Variants in MSRA observed in about 807,000 individuals in gnomAD.
MSRA encodes the protein methionine sulfoxide reductase A.
In MSRA, 54 loss-of-function variants were observed where a neutral mutation model predicts 31.3. The ratio of observed to expected loss-of-function variants is 1.73; its 90% CI spans 1.39 to 2.17. MSRA has a LOEUF of 2.17. MSRA is among the 30% of genes most tolerant of loss of function. MSRA has a pLI of 0.00. For missense variants in MSRA, 507 were observed against 300.9 expected, an observed-to-expected ratio of 1.69 and a Z score of -5.07; for synonymous variants, 169 against 116.5, an observed-to-expected ratio of 1.45 and a Z score of -2.90.
intron 5 of MSRA, among the ~76,000 whole-genome samples, chr8:10,402,567 A>G (rs1807533235): frequency 6.6e-6 from 1 of 152,218 alleles, no homozygotes; most frequent in Admixed American, 6.5e-5. Flanking sequence ...CTGGGAGCCC[A>G]GGCACTCTAT....
intron 5 of MSRA, among the ~76,000 whole-genome samples, chr8:10,420,630 G>C (rs1459404725): frequency 6.6e-6 from 1 of 152,100 alleles, no homozygotes; most frequent in South Asian, 2.1e-4. Flanking sequence ...AACCCAGCCA[G>C]GTTCAGTGGT....
intron 3 of MSRA, among the ~76,000 whole-genome samples, chr8:10,266,135 G>A (rs895947787): frequency 2.0e-5 from 3 of 152,196 alleles, no homozygotes; most frequent in African/African-American, 7.2e-5. Flanking sequence ...AGGACCTGTG[G>A]TAGGTTTATG....
chr8:10,074,230 C>T (rs1396547707), intron 1 of MSRA, among the ~76,000 whole-genome samples: 1 of 151,432 alleles, frequency 6.6e-6, no homozygotes, highest in Non-Finnish European at 1.5e-5. Context: ...CTACATGCAC[C>T]CGCCACCATG....
chr8:10,195,970 G>C (rs1019452042), intron 1 of MSRA, among the ~76,000 whole-genome samples: 3 of 152,200 alleles, frequency 2.0e-5, no homozygotes, highest in Admixed American at 2.0e-4. Context: ...TGTTGGTCTG[G>C]AACAGATTGG....
At chr8:10,424,578 G>A (rs936105426) in intron 5 of MSRA, among the ~76,000 whole-genome samples, 8 of 151,616 alleles carry the variant, frequency 5.3e-5, no homozygotes, top group Admixed American at 3.9e-4. Context: ...CGGGAGAAGG[G>A]CCTGGGGTGG....
At chr8:10,388,923 A>G in intron 5 of MSRA, among the ~76,000 whole-genome samples, 1 of 151,884 alleles carries the variant, frequency 6.6e-6, no homozygotes, top group Admixed American at 6.6e-5. Flanking sequence ...TCATTACCGA[A>G]TGTCTCCTGG....
At chr8:10,327,401 A>G (rs577309068) in intron 5 of MSRA, among the ~76,000 whole-genome samples, 2 of 152,352 alleles carry the variant, frequency 1.3e-5, no homozygotes, top group Middle Eastern at 3.4e-3. Flanking sequence ...GGGTCATTTT[A>G]AAGAAAAGTT....
chr8:10,223,355 C>T (rs1163350320), intron 2 of MSRA, among the ~76,000 whole-genome samples: 1 of 152,156 alleles, frequency 6.6e-6, no homozygotes, highest in African/African-American at 2.4e-5. Context: ...GGCAAAGGAA[C>T]ATTGTAATGT....
intron 1 of MSRA, among the ~76,000 whole-genome samples, chr8:10,151,846 C>G (rs1290661455): frequency 6.6e-6 from 1 of 152,166 alleles, no homozygotes; most frequent in Non-Finnish European, 1.5e-5. Flanking sequence ...GGCCATGTCT[C>G]CACCCTTTAG....
chr8:10,414,363 A>G (rs1448372798), intron 5 of MSRA, among the ~76,000 whole-genome samples: 1 of 152,174 alleles, frequency 6.6e-6, no homozygotes, highest in Non-Finnish European at 1.5e-5. Flanking sequence ...AGATGAGTGA[A>G]ACAAACTATC....
intron 1 of MSRA, among the ~76,000 whole-genome samples, chr8:10,113,907 A>C (rs1800483951): frequency 6.6e-6 from 1 of 152,208 alleles, no homozygotes; most frequent in Non-Finnish European, 1.5e-5. Flanking sequence ...CTGTCTAATT[A>C]CAGAACATTT....
intron 3 of MSRA, among the ~76,000 whole-genome samples, chr8:10,246,242 G>A (rs373049197): frequency 1.1e-4 from 17 of 152,248 alleles, no homozygotes; most frequent in African/African-American, 4.1e-4. Context: ...ATTTACCGTT[G>A]GGTGCTTTAC....
chr8:10,143,152 G>A (rs888547110), intron 1 of MSRA, among the ~76,000 whole-genome samples: 1 of 152,150 alleles, frequency 6.6e-6, no homozygotes, highest in Non-Finnish European at 1.5e-5. Flanking sequence ...CGTCGTTTTG[G>A]TTTGTCCTCT....
intron 5 of MSRA, among the ~76,000 whole-genome samples, chr8:10,427,430 C>T (rs1164263494): frequency 7.9e-5 from 12 of 152,176 alleles, no homozygotes; most frequent in South Asian, 2.1e-4. Flanking sequence ...GTCACCGGGA[C>T]GTAAACTAGG....
chr8:10,358,114 A>C (rs898877840), intron 5 of MSRA, among the ~76,000 whole-genome samples: 2 of 152,034 alleles, frequency 1.3e-5, no homozygotes, highest in Non-Finnish European at 1.5e-5. Context: ...TCATTAGTGG[A>C]GACGGGGTTT....
intron 1 of MSRA, among the ~76,000 whole-genome samples, chr8:10,148,536 G>T (rs753976965): frequency 6.6e-6 from 1 of 151,694 alleles, no homozygotes; most frequent in African/African-American, 2.4e-5. Flanking sequence ...AATTCCAGCC[G>T]CTTGGGAGTC....
chr8:10,076,008 C>G (rs1797979030), intron 1 of MSRA, among the ~76,000 whole-genome samples: 2 of 152,214 alleles, frequency 1.3e-5, no homozygotes, highest in Admixed American at 6.5e-5. Flanking sequence ...AATGTGTTCT[C>G]TAGTGAAGGG....
intron 1 of MSRA, among the ~76,000 whole-genome samples, chr8:10,129,212 G>A (rs1329544502): frequency 6.6e-6 from 1 of 152,046 alleles, no homozygotes; most frequent in Non-Finnish European, 1.5e-5. Flanking sequence ...TGCTGTCTTG[G>A]TCACCCCTGG....
At chr8:10,092,681 T>G (rs908678247) in intron 1 of MSRA, among the ~76,000 whole-genome samples, 1 of 152,082 alleles carries the variant, frequency 6.6e-6, no homozygotes, top group Non-Finnish European at 1.5e-5. Flanking sequence ...GGTAGATTGT[T>G]TGGTAGATGT....
Sources: allele counts gnomAD v4.1 joint callset (sites outside exome capture counted in the v4.1 genomes callset), GRCh38; gene constraint gnomAD v4.1.1; transcripts MANE v1.5; gene names NCBI Gene and HGNC (gene_info 2026-07-23, HGNC 2026-07-21).